CNTN6: variants seen among roughly 807,000 people sequenced by gnomAD.
CNTN6 encodes contactin 6, also known as contactin-6.
CNTN6 carries 137 observed loss-of-function variants against 122.8 expected under a neutral mutation model. That is an observed-to-expected ratio of 1.12 (90% CI 0.97 to 1.29). CNTN6 has a LOEUF of 1.29. CNTN6 is among the 50% of genes most tolerant of loss of function. CNTN6 has a pLI of 0.00. For missense variants in CNTN6, 1,634 were observed against 1,223.4 expected (o/e 1.34, Z -5.01); for synonymous variants, 570 against 426.0 (o/e 1.34, Z -4.16).
intron 9 of CNTN6, among the ~76,000 whole-genome samples, chr3:1,326,327 CATT>C (rs1412671839): frequency 1.3e-5 from 2 of 151,690 alleles, no homozygotes; most frequent in South Asian, 2.1e-4. Context: ...CTCATGAAAA[CATT>C]ATAAGAGAGA....
chr3:1,101,231 C>G (rs941562527), intron 1 of CNTN6, among the ~76,000 whole-genome samples: 1 of 152,114 alleles, frequency 6.6e-6, no homozygotes, highest in African/African-American at 2.4e-5. Flanking sequence ...ACCAGATCAC[C>G]AAGTTTCCAT....
At chr3:1,231,718 T>C (rs1462314508) in intron 4 of CNTN6, among the ~76,000 whole-genome samples, 1 of 152,248 alleles carries the variant, frequency 6.6e-6, no homozygotes, top group Non-Finnish European at 1.5e-5. Context: ...AATTATTTGA[T>C]TACAAAAGTC....
chr3:1,287,848 A>C (rs1694609202), intron 5 of CNTN6, among the ~76,000 whole-genome samples: 1 of 152,182 alleles, frequency 6.6e-6, no homozygotes, highest in Admixed American at 6.5e-5. Flanking sequence ...CAGTCCTGGG[A>C]ATTCTCCTCC....
intron 15 of CNTN6, 23 bp from the exon 16 acceptor site, chr3:1,373,901 C>T (rs1709478254): frequency 1.3e-6 from 2 of 1,597,940 alleles, no homozygotes; most frequent in East Asian, 2.3e-5. Flanking sequence ...AACCTAGGTG[C>T]CTTAGTGTCT....
At chr3:1,271,621 T>G (rs965484644) in intron 4 of CNTN6, among the ~76,000 whole-genome samples, 2 of 151,976 alleles carry the variant, frequency 1.3e-5, no homozygotes, top group African/African-American at 4.8e-5. Flanking sequence ...AGGGTGGAGA[T>G]AAATCGAGAA....
At chr3:1,133,764 A>T (rs151332748) in intron 1 of CNTN6, among the ~76,000 whole-genome samples, 54 of 152,366 alleles carry the variant, frequency 3.5e-4, no homozygotes, top group African/African-American at 1.3e-3. Flanking sequence ...CTCTAGAATT[A>T]GGACTTCTGA....
rs781192540 is a variant in CNTN6, at chr3:1,382,935, G to C, written c.2167-7G>C. On this transcript the variant is annotated splice_polypyrimidine_tract_variant and splice_region_variant and intron_variant, in intron 17 of 22. Coordinates refer to ENST00000446702, the MANE Select transcript of CNTN6 (RefSeq NM_001289080.2). ...AATACTCAGTGATTGATCACATTCT[G>C]CCCAAGTCAATTCCAGAAGAACTGC... 1.1e-5 allele frequency: 17 copies of C among 1,604,146 alleles called. No homozygotes were observed. Among genetic ancestry groups the C allele is most frequent in the Non-Finnish European group, 1.5e-5 (17 of 1,171,150 alleles).
In CNTN6 at chr3:1,262,025, C is replaced by G. The variant is rs559534921; in HGVS notation, c.359-16388C>G. Among the ~76,000 whole-genome samples the G allele has an allele frequency of 4.6e-5, 7 of 152,142 alleles. No homozygotes were observed. In the South Asian group the frequency reaches 1.2e-3, roughly 27 times the overall value. On this transcript the variant is annotated intron_variant, in intron 4 of 22. Coordinates refer to ENST00000446702, the MANE Select transcript of CNTN6 (RefSeq NM_001289080.2). ...GCTATCCTTCAAATAAATGAAAAACCCAATTGAGACAACTGGACAGTGATC... is the reference window on the plus strand; with the variant it reads ...GCTATCCTTCAAATAAATGAAAAACGCAATTGAGACAACTGGACAGTGATC...
At chr3:1,336,212 G>T (rs1477222614) in intron 11 of CNTN6, among the ~76,000 whole-genome samples, 1 of 151,730 alleles carries the variant, frequency 6.6e-6, no homozygotes, top group Non-Finnish European at 1.5e-5. Flanking sequence ...GTCAGAAAAA[G>T]TCTCATTAAT....
intron 1 of CNTN6, among the ~76,000 whole-genome samples, chr3:1,122,734 G>A (rs1367058540): frequency 6.6e-6 from 1 of 151,802 alleles, no homozygotes; most frequent in Non-Finnish European, 1.5e-5. Context: ...CTTTCACTTA[G>A]TATAATATTT....
intron 5 of CNTN6, among the ~76,000 whole-genome samples, chr3:1,285,561 C>T (rs1359373720): frequency 1.3e-5 from 2 of 152,178 alleles, no homozygotes; most frequent in East Asian, 1.9e-4. Context: ...GTACTAGGCA[C>T]TAAACTTAGC....
Position 1,227,826 on chromosome 3 carries a change from A to G in CNTN6, c.191A>G (p.Gln64Arg). ...TTTTTTTTTCCTTGAAGGTGGAAGC[A>G]AAATGGCACAGACATTGATTTTACT... ...GYPSPHYRWK[Q>R]NGTDIDFTMS... Residue 64 changes from glutamine to arginine, a missense_variant, in exon 4 of 23, where the codon CAA (glutamine) becomes CGA (arginine). Physicochemically the swap from Gln to Arg is conservative, Grantham distance 43. Coordinates refer to ENST00000446702, the MANE Select transcript of CNTN6 (RefSeq NM_001289080.2). 6.2e-7 allele frequency: 1 copy of G among 1,613,134 alleles called. No homozygotes were observed. Among genetic ancestry groups the G allele is most frequent in the East Asian group, 2.2e-5 (1 of 44,862 alleles).
chr3:1,279,822 T>C (rs17037100), intron 5 of CNTN6, among the ~76,000 whole-genome samples: 5,106 of 152,318 alleles, frequency 0.034, 301 homozygotes, highest in African/African-American at 0.12. Context: ...TGAATTGCCA[T>C]GACCAAAAGA....
chr3:1,262,845 A>C (rs2094869181), intron 4 of CNTN6, among the ~76,000 whole-genome samples: 1 of 152,056 alleles, frequency 6.6e-6, no homozygotes. Flanking sequence ...TATAGTACCC[A>C]CATATATAGT....
At position 1,302,223 on chromosome 3, in the gene CNTN6, C is replaced by A. The variant is rs73093216; in HGVS notation, c.761+4232C>A. ...CTAACATCTCTTCATAAAAATATTG[C>A]TGTGCAGCATTTGGTTTTAGTCATT... On this transcript the variant is annotated intron_variant, in intron 7 of 22. Transcript: ENST00000446702. Among the ~76,000 whole-genome samples the A allele has an allele frequency of 9.2e-5, 14 of 151,950 alleles. No homozygotes were observed. In the East Asian group the frequency reaches 2.3e-3, roughly 25 times the overall value.
At chr3:1,280,024 G>C (rs1693093399) in intron 5 of CNTN6, among the ~76,000 whole-genome samples, 1 of 152,072 alleles carries the variant, frequency 6.6e-6, no homozygotes, top group Non-Finnish European at 1.5e-5. Flanking sequence ...CGGTATAGAA[G>C]ATTATTTTCC....
At chr3:1,344,597 G>A (rs1286981927) in intron 11 of CNTN6, among the ~76,000 whole-genome samples, 2 of 152,142 alleles carry the variant, frequency 1.3e-5, no homozygotes, top group Non-Finnish European at 2.9e-5. Flanking sequence ...ACGAGGAGAA[G>A]AGAGTTTAGG....
At chr3:1,291,471 T>G (rs1210346539) in intron 5 of CNTN6, among the ~76,000 whole-genome samples, 2 of 152,296 alleles carry the variant, frequency 1.3e-5, no homozygotes, top group East Asian at 3.9e-4. Context: ...GTAATTTTTG[T>G]TAAGTGAAAG....
chr3:1,325,654 G>T (rs265780), intron 8 of CNTN6, among the ~76,000 whole-genome samples, 161 bp from the exon 9 acceptor site: 96 of 151,796 alleles, frequency 6.3e-4, no homozygotes, highest in African/African-American at 2.2e-3. Flanking sequence ...CTGTCAACCC[G>T]CATTGAAGCT....
Sources: allele counts gnomAD v4.1 joint callset (sites outside exome capture counted in the v4.1 genomes callset), GRCh38; gene constraint gnomAD v4.1.1; transcripts MANE v1.5; gene names NCBI Gene and HGNC (gene_info 2026-07-23, HGNC 2026-07-21).